DCAF1: variants seen among roughly 807,000 people sequenced by gnomAD.
The protein encoded by DCAF1 is DDB1- and CUL4-associated factor 1.
Under a neutral mutation model 128.0 loss-of-function variants are expected in DCAF1, and 15 were observed. That is an observed-to-expected ratio of 0.12 (90% CI 0.08 to 0.18). The LOEUF is 0.18. DCAF1 is among the 10% of genes least tolerant of loss of function. The probability of loss-of-function intolerance (pLI) is 1.00; values close to 1 mark genes in which losing one functional copy is unlikely to be tolerated. For missense variants in DCAF1, 988 were observed against 1,649.5 expected, an observed-to-expected ratio of 0.60 and a Z score of 6.95; for synonymous variants, 610 against 603.0, an observed-to-expected ratio of 1.01 and a Z score of -0.17.
At chr3:51,447,145 G>T (rs1553640442) in intron 6 of DCAF1, among the ~76,000 whole-genome samples, 1 of 151,818 alleles carries the variant, frequency 6.6e-6, no homozygotes, top group Non-Finnish European at 1.5e-5. Flanking sequence ...GGTGGCTCAT[G>T]CCTGTAATCC....
chr3:51,410,218 T>G (rs1698272113), intron 23 of DCAF1, among the ~76,000 whole-genome samples: 1 of 152,222 alleles, frequency 6.6e-6, no homozygotes, highest in Non-Finnish European at 1.5e-5. Context: ...GGCCACCAGC[T>G]GCCCACCACA....
At chr3:51,463,318 T>TCCC in intron 5 of DCAF1, 91 bp from the exon 6 acceptor site, 1 of 652,948 alleles carries the variant, frequency 1.5e-6, no homozygotes, top group African/African-American at 1.9e-5. Context: ...TTCCCATTAC[T>TCCC]TTCTTAACGG....
At chr3:51,489,080 C>T (rs529904753) in intron 2 of DCAF1, among the ~76,000 whole-genome samples, 55 of 152,230 alleles carry the variant, frequency 3.6e-4, no homozygotes, top group Middle Eastern at 3.4e-3. Flanking sequence ...GAAAGCTTTG[C>T]CCCAAAAATC....
At chr3:51,463,950 T>C (rs1483899693) in intron 5 of DCAF1, among the ~76,000 whole-genome samples, 1 of 151,998 alleles carries the variant, frequency 6.6e-6, no homozygotes, top group Non-Finnish European at 1.5e-5. Flanking sequence ...GACCTCCCAG[T>C]CTCAAGTGAT....
chr3:51,471,210 GTCTCGC>G (rs1447668842), intron 3 of DCAF1, among the ~76,000 whole-genome samples: 1 of 139,730 alleles, frequency 7.2e-6, no homozygotes, highest in African/African-American at 2.7e-5. Context: ...TTTTTTGACA[GTCTCGC>G]TCTGTCGCCC....
chr3:51,462,038 T>C (rs1577226485), intron 6 of DCAF1, among the ~76,000 whole-genome samples: 1 of 151,134 alleles, frequency 6.6e-6, no homozygotes, highest in South Asian at 2.1e-4. Flanking sequence ...GTTGTGCACA[T>C]GTACCCTAAA....
chr3:51,483,254 C>G (rs1706474417), intron 3 of DCAF1, among the ~76,000 whole-genome samples: 1 of 150,468 alleles, frequency 6.6e-6, no homozygotes, highest in Non-Finnish European at 1.5e-5. Context: ...GCCTGATCAA[C>G]ATGGTGAAAC....
At chr3:51,468,610 T>A (rs782173970) in intron 4 of DCAF1, among the ~76,000 whole-genome samples, 1 of 152,204 alleles carries the variant, frequency 6.6e-6, no homozygotes, top group Non-Finnish European at 1.5e-5. Flanking sequence ...TACCAAGCTG[T>A]TAATTAGTAT....
At position 51,420,515 on chromosome 3, in the gene DCAF1, T is replaced by G; in HGVS notation, c.2455A>C (p.Lys819Gln). The G allele has an allele frequency of 6.2e-7, 1 of 1,613,942 alleles. No homozygotes were observed. The highest frequency in any genetic ancestry group is 8.5e-7 in the Non-Finnish European group (1 of 1,179,880). ...ACATCAGTGCCAATGAGAAGTGGTT[T>G]TCCTGACACCCGTTCAATGAGTTCA... ...AAELIERVSG[K>Q]PLLIGTDVSL... Residue 819 changes from lysine (K) to glutamine (Q), a missense_variant, in exon 15 of 25, where the codon AAA becomes CAA. Lys to Gln is a moderately conservative substitution (Grantham distance 53). This residue lies in a region of DCAF1 where 76 missense variants were observed against 186.9 expected (regional missense o/e 0.41). Transcript: ENST00000684031. The surrounding 1 kb of genome is among the most constrained non-coding windows in gnomAD (Gnocchi z 6.5).
At chr3:51,444,724 G>A (rs971294719) in intron 6 of DCAF1, among the ~76,000 whole-genome samples, 2 of 151,888 alleles carry the variant, frequency 1.3e-5, no homozygotes, top group African/African-American at 2.4e-5. Context: ...TGCCCAGGCT[G>A]GAGTGCAGTG....
At chr3:51,423,395 G>A (rs564549069) in intron 13 of DCAF1, among the ~76,000 whole-genome samples, 56 of 151,420 alleles carry the variant, frequency 3.7e-4, no homozygotes, top group African/African-American at 1.2e-3. Flanking sequence ...CCAGCTACTC[G>A]GGAGGTTGAG....
intron 2 of DCAF1, among the ~76,000 whole-genome samples, chr3:51,489,349 C>G (rs374146108): frequency 9.9e-5 from 15 of 152,048 alleles, no homozygotes; most frequent in African/African-American, 3.4e-4. Flanking sequence ...ATGAGAATTG[C>G]TTGAATCGAA....
At chr3:51,440,920 A>AG in intron 9 of DCAF1, 50 bp downstream of exon 9, 1 of 1,487,840 alleles carries the variant, frequency 6.7e-7, no homozygotes, top group Non-Finnish European at 9.2e-7. Context: ...TTAAAAAAAA[A>AG]CAAAGTTTTT....
upstream of DCAF1, among the ~76,000 whole-genome samples, chr3:51,504,849 C>T (rs530334817): frequency 6.6e-6 from 1 of 152,202 alleles, no homozygotes; most frequent in South Asian, 2.1e-4. Context: ...CACGGTGGCT[C>T]ACACCTGTAA....
chr3:51,446,916 C>T (rs1021889648), intron 6 of DCAF1, among the ~76,000 whole-genome samples: 5 of 148,000 alleles, frequency 3.4e-5, no homozygotes, highest in Admixed American at 6.8e-5. Context: ...GCTGAGATCA[C>T]GCCACTGCGC....
At chr3:51,464,435 C>T (rs1553645798) in intron 5 of DCAF1, among the ~76,000 whole-genome samples, 4 of 151,988 alleles carry the variant, frequency 2.6e-5, no homozygotes, top group South Asian at 4.1e-4. Context: ...TGGCTCATCC[C>T]TGTAATCCCA....
intron 7 of DCAF1, 147 bp downstream of exon 7, chr3:51,443,618 TA>T: frequency 1.3e-6 from 1 of 764,046 alleles, no homozygotes; most frequent in Non-Finnish European, 1.8e-6. Flanking sequence ...TTTCAATTTT[TA>T]AAAACTCTTA....
upstream of DCAF1, among the ~76,000 whole-genome samples, chr3:51,500,217 A>T (rs1577356069): frequency 6.7e-6 from 1 of 149,764 alleles, no homozygotes; most frequent in African/African-American, 2.5e-5. Context: ...CACCAGTCCC[A>T]ATTGACGCAT....
intron 6 of DCAF1, among the ~76,000 whole-genome samples, chr3:51,450,493 A>C (rs2107813579): frequency 6.6e-6 from 1 of 152,346 alleles, no homozygotes; most frequent in Admixed American, 6.5e-5. Flanking sequence ...ATACCAAAAA[A>C]ATGTTGACAA....
Sources: gnomAD v4.1 joint callset for allele counts (sites outside exome capture counted in the v4.1 genomes callset) on GRCh38, gnomAD v4.1.1 for gene constraint, gnomAD v4.1.1 regional missense constraint, Gnocchi (gnomAD v3.1) non-coding constraint, MANE v1.5 for transcripts, NCBI Gene and HGNC (gene_info 2026-07-23, HGNC 2026-07-21) for gene names.